THRB: variants seen among roughly 807,000 people sequenced by gnomAD.
THRB encodes nuclear receptor subfamily 1 group A member 2.
Under a neutral mutation model 47.8 loss-of-function variants are expected in THRB, and 12 were observed. The ratio of observed to expected loss-of-function variants is 0.25; its 90% CI spans 0.16 to 0.41. The LOEUF is 0.41. Among genes scored for constraint, THRB ranks in the 10% least tolerant of loss-of-function variants. The pLI, the probability that THRB is intolerant of heterozygous loss-of-function variation, is 1.00. For synonymous variants in THRB, 218 were observed against 212.2 expected, an observed-to-expected ratio of 1.03 and a Z score of -0.24; for missense variants, 348 against 589.2, an observed-to-expected ratio of 0.59 and a Z score of 4.24.
chr3:24,183,479 T>C (rs2042186746), intron 5 of THRB, among the ~76,000 whole-genome samples: 1 of 150,402 alleles, frequency 6.6e-6, no homozygotes, highest in Non-Finnish European at 1.5e-5. Flanking sequence ...GCGCTTCTCC[T>C]GCCTCGGCCT....
chr3:24,268,262 C>T (rs2052869782), intron 3 of THRB, among the ~76,000 whole-genome samples: 1 of 152,096 alleles, frequency 6.6e-6, no homozygotes, highest in Non-Finnish European at 1.5e-5. Context: ...GTGAGCATCA[C>T]CTATTTACCT....
Position 24,281,502 on chromosome 3 carries a change from G to A in THRB, c.-43+15724C>T, listed in dbSNP as rs558634672. On this transcript the variant is annotated intron_variant, in intron 3 of 10. Coordinates refer to ENST00000646209, the MANE Select transcript of THRB (RefSeq NM_001354712.2). ...ATCATGCCAAAATGTAAAGACCATC[G>A]AGACTAGGAGGAAACCGCATCAACT... Among the ~76,000 whole-genome samples the A allele has an allele frequency of 1.4e-3, 210 of 152,016 alleles. 1 individual carries two copies. Among genetic ancestry groups the A allele is most frequent in the African/African-American group, 4.6e-3 (190 of 41,432 alleles).
At chr3:24,280,848 T>C (rs1225161347) in intron 3 of THRB, among the ~76,000 whole-genome samples, 10 of 151,728 alleles carry the variant, frequency 6.6e-5, no homozygotes, top group African/African-American at 2.2e-4. Context: ...TGATGGAAGA[T>C]GAAATGAATG....
intron 4 of THRB, among the ~76,000 whole-genome samples, chr3:24,193,755 C>A (rs183556716): frequency 2.6e-5 from 4 of 152,238 alleles, no homozygotes; most frequent in Non-Finnish European, 4.4e-5. Flanking sequence ...TTTGATCCAC[C>A]AATCCTACTA....
At chr3:24,372,346 C>T (rs116904220) in intron 1 of THRB, among the ~76,000 whole-genome samples, 62 of 152,208 alleles carry the variant, frequency 4.1e-4, no homozygotes, top group East Asian at 1.5e-3. Flanking sequence ...TATCCTTCGA[C>T]CCCTACCCCA....
At chr3:24,281,856 A>G (rs2054649468) in intron 3 of THRB, among the ~76,000 whole-genome samples, 1 of 151,742 alleles carries the variant, frequency 6.6e-6, no homozygotes, top group South Asian at 2.1e-4. Context: ...ATTTAATGGT[A>G]AAGGGATCAA....
At chr3:24,386,342 T>C (rs906318785) in intron 1 of THRB, among the ~76,000 whole-genome samples, 5 of 152,136 alleles carry the variant, frequency 3.3e-5, no homozygotes, top group African/African-American at 1.2e-4. Flanking sequence ...TGCTCCTCTC[T>C]GCCCAACCAC....
intron 6 of THRB, among the ~76,000 whole-genome samples, chr3:24,151,396 AAG>A (rs1399526918): frequency 6.6e-6 from 1 of 152,186 alleles, no homozygotes; most frequent in Non-Finnish European, 1.5e-5. Context: ...AGAAGAGAAA[AAG>A]AGGTAAGGTG....
chr3:24,384,455 T>C (rs2065936022), intron 1 of THRB, among the ~76,000 whole-genome samples: 1 of 152,108 alleles, frequency 6.6e-6, no homozygotes, highest in African/African-American at 2.4e-5. Flanking sequence ...CTCATTCAGA[T>C]AACATCTAGC....
At chr3:24,315,701 C>A (rs139304643) in intron 2 of THRB, among the ~76,000 whole-genome samples, 2,502 of 152,320 alleles carry the variant, frequency 0.016, 49 homozygotes, top group Non-Finnish European at 0.019. Context: ...GCTACCTTAT[C>A]CACATCTACA....
At chr3:24,244,954 T>G (rs2049958738) in intron 3 of THRB, among the ~76,000 whole-genome samples, 1 of 152,222 alleles carries the variant, frequency 6.6e-6, no homozygotes, top group Non-Finnish European at 1.5e-5. Flanking sequence ...CTCTTCTGCC[T>G]GTTTCTCTGC....
intron 3 of THRB, among the ~76,000 whole-genome samples, chr3:24,247,980 G>A (rs2050268158): frequency 6.6e-6 from 1 of 151,662 alleles, no homozygotes; most frequent in Admixed American, 6.5e-5. Context: ...CTCTTGATGA[G>A]TCTGGAATTT....
At chr3:24,132,359 A>T (rs908025519) in intron 9 of THRB, among the ~76,000 whole-genome samples, 1 of 152,212 alleles carries the variant, frequency 6.6e-6, no homozygotes, top group East Asian at 1.9e-4. Context: ...AAAAAGAAGA[A>T]GGTTAGAGGC....
At chr3:24,225,251 A>G (rs1456088004) in intron 4 of THRB, among the ~76,000 whole-genome samples, 1 of 152,164 alleles carries the variant, frequency 6.6e-6, no homozygotes, top group Non-Finnish European at 1.5e-5. Context: ...CATGGTGGGA[A>G]ATTTTGGGGT....
chr3:24,177,765 T>C (rs1277214688), intron 5 of THRB, among the ~76,000 whole-genome samples: 3 of 152,216 alleles, frequency 2.0e-5, no homozygotes, highest in Non-Finnish European at 4.4e-5. Flanking sequence ...CAAATTGAAA[T>C]TCTTCATTTT....
intron 2 of THRB, among the ~76,000 whole-genome samples, chr3:24,336,682 A>G (rs2062274124): frequency 6.7e-6 from 1 of 150,330 alleles, no homozygotes; most frequent in Non-Finnish European, 1.5e-5. Flanking sequence ...CTTGTACCCT[A>G]TCTGACTCGC....
At chr3:24,196,774 G>C (rs1559569176) in intron 4 of THRB, among the ~76,000 whole-genome samples, 1 of 152,218 alleles carries the variant, frequency 6.6e-6, no homozygotes, top group African/African-American at 2.4e-5. Flanking sequence ...AGGCAAATGG[G>C]AGAAGAATTT....
chr3:24,432,643 A>C (rs978615841), intron 1 of THRB, among the ~76,000 whole-genome samples: 1 of 152,182 alleles, frequency 6.6e-6, no homozygotes. Context: ...GAGATATTCA[A>C]CTGAGAGAAG....
intron 4 of THRB, among the ~76,000 whole-genome samples, chr3:24,199,276 C>G (rs1052926702): frequency 6.6e-6 from 1 of 152,212 alleles, no homozygotes; most frequent in East Asian, 1.9e-4. Context: ...ATAAACTATG[C>G]CTTCAGAATA....
Sources: allele counts gnomAD v4.1 joint callset (sites outside exome capture counted in the v4.1 genomes callset), GRCh38; gene constraint gnomAD v4.1.1; transcripts MANE v1.5; gene names NCBI Gene and HGNC (gene_info 2026-07-23, HGNC 2026-07-21).